The following REST variants were observed in gnomAD, a reference collection of about 807,000 sequenced individuals.
REST encodes the protein RE1-silencing transcription factor.
REST carries 1 observed loss-of-function variant against 30.4 expected under a neutral mutation model. That is an observed-to-expected ratio of 0.03 (90% CI 0.01 to 0.16). REST has a LOEUF of 0.16. Ranked by LOEUF, REST falls within the 10% of genes least tolerant of loss-of-function variation. The pLI, the probability that REST is intolerant of heterozygous loss-of-function variation, is 1.00. For missense variants in REST, 1,259 were observed against 1,329.5 expected (o/e 0.95, Z 0.82); for synonymous variants, 504 against 451.1 (o/e 1.12, Z -1.49).
Position 56,908,180 on chromosome 4 carries a change from A to C in REST, c.-43A>C. The C allele has an allele frequency of 5.9e-6, 1 of 168,808 alleles. No individual in the cohort carries two copies. Among genetic ancestry groups the C allele is most frequent in the East Asian group, 1.4e-4 (1 of 7,128 alleles). 10.5% of individuals were successfully genotyped at this position (168,808 alleles called of 1,614,324 possible). On this transcript the variant is annotated 5_prime_UTR_variant, in exon 1 of 4. Coordinates refer to ENST00000309042, the MANE Select transcript of REST (RefSeq NM_005612.5). ...GTAGTCGGAGAAGGAGCGGCGACTCAGGGTCGCCCGCCCCTCCTCACCGAG... is the reference window on the plus strand; with the variant it reads ...GTAGTCGGAGAAGGAGCGGCGACTCCGGGTCGCCCGCCCCTCCTCACCGAG...
At chr4:56,919,394 A>G (rs1222951234) in intron 2 of REST, among the ~76,000 whole-genome samples, 2 of 152,086 alleles carry the variant, frequency 1.3e-5, no homozygotes. Flanking sequence ...AAACCTAAAA[A>G]CCGGTGTTAA....
chr4:56,924,016 C>A (rs760915004), intron 3 of REST, among the ~76,000 whole-genome samples: 1 of 152,080 alleles, frequency 6.6e-6, no homozygotes, highest in Non-Finnish European at 1.5e-5. Flanking sequence ...CCACCACACC[C>A]GGCCAATATC....
intron 2 of REST, among the ~76,000 whole-genome samples, chr4:56,915,589 G>A (rs1373695901): frequency 6.6e-6 from 1 of 151,996 alleles, no homozygotes; most frequent in Non-Finnish European, 1.5e-5. Context: ...ATAGATTGAA[G>A]GTTAATATTT....
At chr4:56,915,236 G>GTT (rs1487049408) in intron 2 of REST, among the ~76,000 whole-genome samples, 2 of 114,068 alleles carry the variant, frequency 1.8e-5, no homozygotes, top group Non-Finnish European at 3.5e-5. Flanking sequence ...GTGTGTGTGT[G>GTT]TGTATTTTTT....
At chr4:56,928,003 A>G (rs934806113) in intron 3 of REST, among the ~76,000 whole-genome samples, 1 of 152,248 alleles carries the variant, frequency 6.6e-6, no homozygotes, top group African/African-American at 2.4e-5. Flanking sequence ...CAGAATTTCA[A>G]AACTTTTGCA....
At chr4:56,910,069 G>A (rs1252758675) in intron 1 of REST, among the ~76,000 whole-genome samples, 1 of 152,198 alleles carries the variant, frequency 6.6e-6, no homozygotes, top group Non-Finnish European at 1.5e-5. Flanking sequence ...CTTTTTCACA[G>A]TAGTTTATTC....
At chr4:56,912,803 C>T (rs11933908) in intron 2 of REST, among the ~76,000 whole-genome samples, 53,240 of 151,332 alleles carry the variant, frequency 0.35, 9,717 homozygotes, top group Middle Eastern at 0.5. Context: ...TGAGTGCCAC[C>T]CCTGGCTAAT....
chr4:56,927,630 A>C, intron 3 of REST: 1 of 1,212,724 alleles, frequency 8.2e-7, no homozygotes, highest in Non-Finnish European at 1.1e-6. Flanking sequence ...TATGGATACC[A>C]TTTGGTAATA....
rs190469406 is a variant in REST, at chr4:56,934,432, A to C, written c.*2280A>C. The C allele has an allele frequency of 6.6e-6, 1 of 152,288 alleles. No individual in the cohort carries two copies. Among genetic ancestry groups the C allele is most frequent in the Admixed American group, 6.5e-5 (1 of 15,284 alleles). The allele number at this position is 152,288 out of a possible 1,614,324, so 9.4% of individuals were successfully genotyped here. A position where few individuals can be genotyped will look rare whatever the true frequency, so the allele number is the denominator to read the frequency against. Reference sequence around the variant, plus strand: ...TTAAGACTAGAATGCTAAAAACAAAAACATGAAGGAAATTAAAACCCCTTA... The same window carrying C: ...TTAAGACTAGAATGCTAAAAACAAACACATGAAGGAAATTAAAACCCCTTA... On this transcript the variant is annotated 3_prime_UTR_variant, in exon 4 of 4. Transcript: ENST00000309042.
rs1183486127 is a variant in REST, at chr4:56,908,043, C to T, written c.-180C>T. ...AGACGGCAGGGCGAGGCCCGGAGGC[C>T]TGAGCACCCTCTGCAGCCCCACTCC... On this transcript the variant is annotated 5_prime_UTR_variant, in exon 1 of 4. Coordinates refer to ENST00000309042, the MANE Select transcript of REST (RefSeq NM_005612.5). 1.4e-5 allele frequency: 5 copies of T among 366,232 alleles called. No homozygotes were observed. Among genetic ancestry groups the T allele is most frequent in the East Asian group, 3.8e-5 (1 of 26,066 alleles). 22.7% of individuals were successfully genotyped at this position (366,232 alleles called of 1,614,324 possible).
At position 56,931,288 on chromosome 4, in the gene REST, T is replaced by C; in HGVS notation, c.2430T>C (p.Ile810=). The change falls in exon 4 of 4, where the codon ATT becomes ATC. Residue 810 remains isoleucine, a synonymous_variant. Transcript: ENST00000309042. ...AGCCTCCCCTTCACATGGAGCCAATTTCCAAAAAGCCTCCTCTCCGAAAAG... is the reference window on the plus strand; with the variant it reads ...AGCCTCCCCTTCACATGGAGCCAATCTCCAAAAAGCCTCCTCTCCGAAAAG... ...PREPPLHMEP[I]SKKPPLRKDK... 1 of 1,614,206 alleles carries C rather than the reference T, an allele frequency of 6.2e-7. No individual in the cohort carries two copies. Among genetic ancestry groups the C allele is most frequent in the Non-Finnish European group, 8.5e-7 (1 of 1,180,036 alleles).
At position 56,931,235 on chromosome 4, in the gene REST, G is replaced by T. The variant is rs368741258; in HGVS notation, c.2377G>T (p.Ala793Ser). The change falls in exon 4 of 4, where the codon GCT becomes TCT. Residue 793 changes from alanine (A) to serine (S), a missense_variant. Physicochemically the swap from Ala to Ser is moderately conservative, Grantham distance 99. Around this residue, in one of 5 missense-constraint regions of REST, gnomAD observed 856 missense variants for 772.8 expected, o/e 1.11. Coordinates refer to ENST00000309042, the MANE Select transcript of REST (RefSeq NM_005612.5). ...PPMGVVQKEP[A>S]QREPPPPREP... The stretch of plus-strand genomic sequence containing the variant: ...CATGGGGGTGGTTCAGAAGGAGCCT[G>T]CTCAGAGGGAGCCACCTCCTCCCAG... 9 of 1,614,204 alleles carry T rather than the reference G, an allele frequency of 5.6e-6. No homozygotes were observed. Among genetic ancestry groups the T allele is most frequent in the African/African-American group, 1.3e-5 (1 of 75,068 alleles).
chr4:56,919,046 G>A (rs975979435), intron 2 of REST, among the ~76,000 whole-genome samples: 5 of 151,394 alleles, frequency 3.3e-5, no homozygotes, highest in African/African-American at 1.2e-4. Context: ...TGGGACAACA[G>A]GCACGTACCA....
intron 1 of REST, chr4:56,909,596 A>G (rs936472977): frequency 1.3e-5 from 2 of 152,264 alleles, no homozygotes; most frequent in South Asian, 2.1e-4. Context: ...TGGTACGTAG[A>G]ACTAAACCGG....
In REST at chr4:56,930,274, T is replaced by C; in HGVS notation, c.1416T>C (p.Asp472=). ...AGTCCGTCAAAGCAGAGAAAAGAGATGTCTCAAAAGAGAAAAAGCCTTCTA... is the reference window on the plus strand; with the variant it reads ...AGTCCGTCAAAGCAGAGAAAAGAGACGTCTCAAAAGAGAAAAAGCCTTCTA... ...NEKSVKAEKR[D]VSKEKKPSNN... The change falls in exon 4 of 4, where the codon GAT becomes GAC. Residue 472 remains aspartate, a synonymous_variant. Transcript: ENST00000309042. 12 of 1,612,734 alleles carry C rather than the reference T, an allele frequency of 7.4e-6. No individual in the cohort carries two copies. Among genetic ancestry groups the C allele is most frequent in the Non-Finnish European group, 9.3e-6 (11 of 1,179,784 alleles).
intron 3 of REST, chr4:56,927,552 G>A (rs185517681): frequency 5.5e-5 from 37 of 669,486 alleles, no homozygotes; most frequent in Middle Eastern, 6.6e-4. Context: ...ATTTGAGAAT[G>A]TTTGAGATGA....
At chr4:56,920,627 T>C (rs960910378) in intron 3 of REST, among the ~76,000 whole-genome samples, 2 of 151,924 alleles carry the variant, frequency 1.3e-5, no homozygotes, top group African/African-American at 4.8e-5. Flanking sequence ...CCAGGCGTGG[T>C]GGCGCATGCC....
In REST at chr4:56,930,559, G is replaced by C; in HGVS notation, c.1701G>C (p.Glu567Asp). 5 of 1,611,894 alleles carry C rather than the reference G, an allele frequency of 3.1e-6. No homozygotes were observed. Among genetic ancestry groups the C allele is most frequent in the Non-Finnish European group, 4.2e-6 (5 of 1,179,512 alleles). ...CAAAGGGTGACAGCAAAGTGGAGGA[G>C]AATAAAAAGCAAAATACTTGCATGA... ...EVPKGDSKVE[E>D]NKKQNTCMKK... Residue 567 changes from glutamate (E) to aspartate (D), a missense_variant, in exon 4 of 4, where the codon GAG (glutamate) becomes GAC (aspartate). Glu to Asp is a conservative substitution (Grantham distance 45, BLOSUM62 2). Coordinates refer to ENST00000309042, the MANE Select transcript of REST (RefSeq NM_005612.5).
intron 1 of REST, among the ~76,000 whole-genome samples, chr4:56,908,420 G>A (rs1253630571): frequency 1.3e-5 from 2 of 151,992 alleles, no homozygotes; most frequent in African/African-American, 4.8e-5. Flanking sequence ...AGCCGCCCGG[G>A]GGCTGGGGGC....
Sources: gnomAD v4.1 joint callset for allele counts (sites outside exome capture counted in the v4.1 genomes callset) on GRCh38, gnomAD v4.1.1 for gene constraint, gnomAD v4.1.1 regional missense constraint, MANE v1.5 for transcripts, NCBI Gene and HGNC (gene_info 2026-07-23, HGNC 2026-07-21) for gene names.